Variants in MYLK observed in about 807,000 individuals in gnomAD.
MYLK encodes myosin light chain kinase, smooth muscle.
In MYLK, 106 loss-of-function variants were observed where a neutral mutation model predicts 203.4. That is an observed-to-expected ratio of 0.52 (90% CI 0.45 to 0.61). The LOEUF (loss-of-function observed/expected upper bound fraction) is 0.61, where lower values mean the gene tolerates loss of function less well. Ranked by LOEUF, MYLK falls within the 20% of genes least tolerant of loss-of-function variation. MYLK has a pLI of 0.00. For synonymous variants in MYLK, 867 were observed against 959.5 expected, an observed-to-expected ratio of 0.90 and a Z score of 1.78; for missense variants, 2,072 against 2,442.3, an observed-to-expected ratio of 0.85 and a Z score of 3.20.
At chr3:123,735,543 G>T in intron 8 of MYLK, 127 bp from the exon 9 acceptor site, 1 of 1,051,176 alleles carries the variant, frequency 9.5e-7, no homozygotes, top group Non-Finnish European at 1.5e-6. Flanking sequence ...CCCTGGTGCT[G>T]AACGTCTTTG....
At chr3:123,621,069 A>T (rs1255671549) in intron 31 of MYLK, 2 of 152,242 alleles carry the variant, frequency 1.3e-5, no homozygotes, top group Non-Finnish European at 2.9e-5. Flanking sequence ...AATAAAAGGC[A>T]ACGGCACTTT....
intron 19 of MYLK, among the ~76,000 whole-genome samples, chr3:123,690,858 G>C (rs907701548): frequency 6.6e-6 from 1 of 152,008 alleles, no homozygotes; most frequent in East Asian, 1.9e-4. Flanking sequence ...GAAGGAATTA[G>C]GGATAAATAA....
intron 2 of MYLK, among the ~76,000 whole-genome samples, chr3:123,873,553 G>GA (rs566181775): frequency 1.3e-5 from 2 of 151,480 alleles, no homozygotes; most frequent in Non-Finnish European, 2.9e-5. Context: ...AAAGAATCTA[G>GA]AAAAAAAAGC....
chr3:123,698,814 G>A (rs1453773706), intron 18 of MYLK: 1 of 152,958 alleles, frequency 6.5e-6, no homozygotes, highest in Non-Finnish European at 1.5e-5. Context: ...CTTACCGGGG[G>A]CTGAGAGGGA....
rs1270011629 is a variant in MYLK at position 123,700,539 on chromosome 3, C to G, written c.2929G>C (p.Ala977Pro). 1 of 1,613,598 alleles carries G rather than the reference C, an allele frequency of 6.2e-7. No individual in the cohort carries two copies. The highest frequency in any genetic ancestry group is 1.1e-5 in the South Asian group (1 of 91,078). The change falls in exon 18 of 34, where the codon GCC becomes CCC. Residue 977 changes from alanine (A) to proline (P), a missense_variant. Transcript: ENST00000360304. ...AGCACTGAGCGAAAATCCGGGGTGG[C>G]AGGTTTTGGCGGTGGCACCTTCTCA... is the stretch of plus-strand genomic sequence containing the variant. ...VPEKVPPPKPATPDFRSVLGG... is the reference protein window; with the variant it reads ...VPEKVPPPKPPTPDFRSVLGG...
At chr3:123,709,343 GTGTTAGCCAGGATGGTCTCGAT>G (rs1418331170) in intron 14 of MYLK, 1 of 265,062 alleles carries the variant, frequency 3.8e-6, no homozygotes, top group African/African-American at 2.2e-5. Context: ...GGGTTTCACC[GTGTTAGCCAGGATGGTCTCGAT>G]CTCCTGACCT....
intron 3 of MYLK, among the ~76,000 whole-genome samples, chr3:123,827,441 T>C (rs1282203525): frequency 6.6e-6 from 1 of 151,758 alleles, no homozygotes; most frequent in Non-Finnish European, 1.5e-5. Flanking sequence ...GAATCTCTAT[T>C]AGACTAACAG....
intron 5 of MYLK, among the ~76,000 whole-genome samples, chr3:123,748,404 G>A (rs2063086787): frequency 6.6e-6 from 1 of 152,180 alleles, no homozygotes; most frequent in Non-Finnish European, 1.5e-5. Flanking sequence ...ATCAACACCT[G>A]TTCATCCATG....
rs1204485650 is a variant in MYLK at position 123,610,163 on chromosome 3, A to G, written c.*3942T>C. 6.6e-6 allele frequency: 1 copy of G among 152,248 alleles called. No homozygotes were observed. Among genetic ancestry groups the G allele is most frequent in the Non-Finnish European group, 1.5e-5 (1 of 68,046 alleles). 9.4% of individuals were successfully genotyped at this position (152,248 alleles called of 1,614,324 possible). On this transcript the variant is annotated 3_prime_UTR_variant, in exon 34 of 34. Transcript: ENST00000360304. ...TCACATAATTTGAAAAGTGATGTAC[A>G]TGTGACTGTCGAGCATTTGAAATGT...
chr3:123,675,870 C>G (rs922634490), intron 20 of MYLK, among the ~76,000 whole-genome samples: 1 of 152,168 alleles, frequency 6.6e-6, no homozygotes. Context: ...CTACTGTATA[C>G]GCTGGTCTCA....
chr3:123,731,358 T>C (rs2062468413), intron 11 of MYLK, among the ~76,000 whole-genome samples: 1 of 152,360 alleles, frequency 6.6e-6, no homozygotes, highest in South Asian at 2.1e-4. Context: ...TAGAGGGACT[T>C]TTGTGCTCTT....
intron 13 of MYLK, among the ~76,000 whole-genome samples, chr3:123,719,933 C>T (rs1216870174): frequency 1.3e-5 from 2 of 152,208 alleles, no homozygotes. Context: ...CCCCGAGCCT[C>T]CTGAGTGTCT....
At chr3:123,631,461 CTT>C (rs2058421779) in intron 29 of MYLK, among the ~76,000 whole-genome samples, 1 of 151,438 alleles carries the variant, frequency 6.6e-6, no homozygotes, top group African/African-American at 2.4e-5. Context: ...CAAGTTAGGG[CTT>C]TACCAATGTC....
chr3:123,638,239 G>A (rs1210689785), intron 28 of MYLK, 45 bp from the exon 29 acceptor site: 9 of 1,612,512 alleles, frequency 5.6e-6, no homozygotes, highest in South Asian at 2.2e-5. Context: ...ACATCACGGA[G>A]CCAGCTTGAG....
At chr3:123,696,704 C>T (rs763388715) in intron 18 of MYLK, among the ~76,000 whole-genome samples, 32 of 152,286 alleles carry the variant, frequency 2.1e-4, no homozygotes, top group African/African-American at 6.0e-4. Flanking sequence ...GTGGCTACTA[C>T]GCTAGTCTAG....
chr3:123,742,655 C>A (rs1280854076), intron 5 of MYLK, among the ~76,000 whole-genome samples: 2 of 152,084 alleles, frequency 1.3e-5, no homozygotes, highest in Admixed American at 6.6e-5. Context: ...ATCCGTGTAC[C>A]ATCCATTGTA....
At chr3:123,724,139 C>CTTTTTTTTTTTTTTTTTTTTTTT (rs5852359) in intron 12 of MYLK, among the ~76,000 whole-genome samples, 1 of 80,850 alleles carries the variant, frequency 1.2e-5, no homozygotes, top group African/African-American at 5.3e-5. Flanking sequence ...CTAAGTTTTG[C>CTTTTTTTTTTTTTTTTTTTTTTT]TTTTTTTTTT....
intron 16 of MYLK, 55 bp from the exon 17 acceptor site, chr3:123,701,564 G>A: frequency 1.3e-6 from 2 of 1,554,298 alleles, no homozygotes; most frequent in South Asian, 2.2e-5. Flanking sequence ...CAAAGGGCCT[G>A]TTCAGTGTGG....
intron 33 of MYLK, chr3:123,616,254 T>C (rs897538470): frequency 6.6e-5 from 10 of 152,190 alleles, no homozygotes; most frequent in African/African-American, 1.9e-4. Context: ...AATTTGCCTA[T>C]GGACAATTGG....
Sources: gnomAD v4.1 joint callset for allele counts (sites outside exome capture counted in the v4.1 genomes callset) on GRCh38, gnomAD v4.1.1 for gene constraint, MANE v1.5 for transcripts, NCBI Gene and HGNC (gene_info 2026-07-23, HGNC 2026-07-21) for gene names.